AHNAK2: variants seen among roughly 807,000 people sequenced by gnomAD.
The protein encoded by AHNAK2 is protein AHNAK2.
Under a neutral mutation model 30.7 loss-of-function variants are expected in AHNAK2, and 18 were observed. The observed-to-expected ratio is 0.59, with a 90% confidence interval of 0.41 to 0.87. The LOEUF (loss-of-function observed/expected upper bound fraction) is 0.87. AHNAK2 is among the 40% of genes least tolerant of loss of function. The probability of loss-of-function intolerance (pLI) is 0.00; values close to 1 mark genes in which losing one functional copy is unlikely to be tolerated. For synonymous variants in AHNAK2, 3,590 were observed against 3,073.8 expected, an observed-to-expected ratio of 1.17 and a Z score of -5.56; for missense variants, 8,604 against 7,373.0, an observed-to-expected ratio of 1.17 and a Z score of -6.11.
In AHNAK2 at chr14:104,950,465, C is replaced by T. The variant is rs573292137; in HGVS notation, c.4986G>A (p.Lys1662=). 1.3e-4 allele frequency: 202 copies of T among 1,586,210 alleles called. 24 individuals are homozygous for T. The Middle Eastern group carries it at 1.5e-3, about 12-fold the overall frequency. ...TAKDSKFKMP[K]FKMPSFGVSA... ...ACACCCCAAATGATGGCATCTTGAACTTGGGCATTTTGAACTTGCTGTCTT... is the reference window on the plus strand; with the variant it reads ...ACACCCCAAATGATGGCATCTTGAATTTGGGCATTTTGAACTTGCTGTCTT... The change falls in exon 7 of 7, where the codon AAG becomes AAA. Residue 1662 remains lysine, a synonymous_variant. Transcript: ENST00000333244.
At position 104,969,689 on chromosome 14, in the gene AHNAK2, G is replaced by A. The variant is rs949392449; in HGVS notation, c.55+8494C>T. ...TGATGGGGATGGGAGGGCAGCAGGT[G>A]GGCCCAGTTCATCTCCTTCTGCTCC... On this transcript the variant is annotated intron_variant, in intron 1 of 6. Transcript: ENST00000333244. Among the ~76,000 whole-genome samples, 4 of 152,330 alleles carry A rather than the reference G, an allele frequency of 2.6e-5. No homozygotes were observed. In the East Asian group the frequency reaches 7.7e-4, roughly 29 times the overall value.
chr14:104,957,317 G>C, intron 3 of AHNAK2, 93 bp downstream of exon 3: 1 of 1,209,252 alleles, frequency 8.3e-7, no homozygotes, highest in South Asian at 1.4e-5. Flanking sequence ...GCGGGGCAGG[G>C]CAGCAAGGTT....
intron 1 of AHNAK2, among the ~76,000 whole-genome samples, chr14:104,974,065 G>A (rs940023387): frequency 1.3e-5 from 2 of 152,202 alleles, no homozygotes; most frequent in East Asian, 3.9e-4. Flanking sequence ...GAGCAAGGAA[G>A]GCCTTGACTC....
intron 1 of AHNAK2, among the ~76,000 whole-genome samples, chr14:104,961,401 C>A (rs914653873): frequency 4.0e-5 from 6 of 151,714 alleles, no homozygotes; most frequent in Non-Finnish European, 8.8e-5. Context: ...GTAGTCCCAG[C>A]TACTCGGGAG....
In AHNAK2 at chr14:104,948,332, A is replaced by T. The variant is rs770175320; in HGVS notation, c.7119T>A (p.Ala2373=). The change falls in exon 7 of 7, where the codon GCT becomes GCA. Residue 2373 remains alanine, a synonymous_variant. Coordinates refer to ENST00000333244, the MANE Select transcript of AHNAK2 (RefSeq NM_138420.4). ...CTTGGCCAGCCTGGACCTCCAGGTC[A>T]GCGGAAGGGGGCTGAACGCTGAGGT... ...TTDLSVQPPS[A]DLEVQAGQVD... is the part of the protein sequence containing the mutation. 2 of 1,610,308 alleles carry T rather than the reference A, an allele frequency of 1.2e-6. No individual in the cohort carries two copies. Among genetic ancestry groups the T allele is most frequent in the Non-Finnish European group, 1.7e-6 (2 of 1,179,090 alleles).
chr14:104,957,291 C>T, intron 3 of AHNAK2, 119 bp downstream of exon 3: 1 of 932,744 alleles, frequency 1.1e-6, no homozygotes, highest in Non-Finnish European at 1.6e-6. Context: ...TCTGAGTGGG[C>T]ACTGCCCAGT....
rs775652679 is a variant in AHNAK2, at chr14:104,950,388, A to T, written c.5063T>A (p.Val1688Glu). 4 of 1,585,430 alleles carry T rather than the reference A, an allele frequency of 2.5e-6. 1 individual carries two copies. The highest frequency in any genetic ancestry group is 3.4e-6 in the Non-Finnish European group (4 of 1,162,558). The change falls in exon 7 of 7, where the codon GTG becomes GAG. Residue 1688 changes from valine (V) to glutamate (E), a missense_variant. Transcript: ENST00000333244. ...EASVDVSEPK[V>E]EADVSLPSMQ... ...GGAGGGGAGGCTCACATCAGCTTCC[A>T]CCTTCGGCTCAGACACATCCACCGA...
At position 104,938,246 on chromosome 14, in the gene AHNAK2, A is replaced by G; in HGVS notation, c.17205T>C (p.Asp5735=). ...CTTCAGGGGAGAAACTTTCTCGGGC[A>G]TCAAAAAACGTGATTGTTTCTTCTT... ...KLQEETITFF[D]ARESFSPEEK... The change falls in exon 7 of 7, where the codon GAT becomes GAC. Residue 5735 remains aspartate (D), a synonymous_variant. Coordinates refer to ENST00000333244, the MANE Select transcript of AHNAK2 (RefSeq NM_138420.4). 1.9e-6 allele frequency: 3 copies of G among 1,613,860 alleles called. No homozygotes were observed. The highest frequency in any genetic ancestry group is 2.5e-6 in the Non-Finnish European group (3 of 1,179,866).
chr14:104,947,036 G>A lies in AHNAK2; in HGVS notation c.8415C>T (p.Gly2805=), dbSNP rs201288040. The A allele has an allele frequency of 2.9e-4, 468 of 1,606,394 alleles. 6 individuals are homozygous for A. The African/African-American group carries it at 4.3e-3, about 15-fold the overall frequency. ...LEGDLSLADK[G]MTAKDSKFKM... Reference sequence around the variant, plus strand: ...TGAACTTGCTGTCTTTGGCTGTCATGCCCTTGTCGGCCAGGGACAGGTCCC... The same window carrying A: ...TGAACTTGCTGTCTTTGGCTGTCATACCCTTGTCGGCCAGGGACAGGTCCC... Residue 2805 remains glycine (G), a synonymous_variant, in exon 7 of 7, where the codon GGC becomes GGT. Coordinates refer to ENST00000333244, the MANE Select transcript of AHNAK2 (RefSeq NM_138420.4).
Position 104,943,628 on chromosome 14 carries a change from T to G in AHNAK2, c.11823A>C (p.Pro3941=). 2 of 1,611,220 alleles carry G rather than the reference T, an allele frequency of 1.2e-6. No individual in the cohort carries two copies. The highest frequency in any genetic ancestry group is 1.7e-6 in the Non-Finnish European group (2 of 1,178,948). The change falls in exon 7 of 7, where the codon CCA becomes CCC. Residue 3941 remains proline (P), a synonymous_variant. Transcript: ENST00000333244. ...LPSVEVDVEA[P]GAKLDGARLE... ...GCCGCGCACCATCCAGCTTGGCTCC[T>G]GGGGCCTCGACGTCCACCTCCACGC...
At chr14:104,962,592 A>ATT (rs112564439) in intron 1 of AHNAK2, among the ~76,000 whole-genome samples, 5 of 143,988 alleles carry the variant, frequency 3.5e-5, no homozygotes, top group South Asian at 2.2e-4. Context: ...TGCCTCACTA[A>ATT]TTTTTTTTTT....
Position 104,942,732 on chromosome 14 carries a change from C to A in AHNAK2, c.12719G>T (p.Gly4240Val), listed in dbSNP as rs752104171. 7 of 1,612,944 alleles carry A rather than the reference C, an allele frequency of 4.3e-6. No individual in the cohort carries two copies. Among genetic ancestry groups the A allele is most frequent in the Non-Finnish European group, 1.7e-6 (2 of 1,179,554 alleles). Residue 4240 changes from glycine to valine, a missense_variant, in exon 7 of 7, where the codon GGC becomes GTC. Physicochemically the swap from Gly to Val is moderately radical, Grantham distance 109. Coordinates refer to ENST00000333244, the MANE Select transcript of AHNAK2 (RefSeq NM_138420.4). ...GGGGCCTTTCAGGTCCAGCTTGGGGCCCTTGACATCCACCTGGGGGCCCTT... is the reference window on the plus strand; with the variant it reads ...GGGGCCTTTCAGGTCCAGCTTGGGGACCTTGACATCCACCTGGGGGCCCTT... The part of the protein sequence containing the change: ...ALKGPQVDVK[G>V]PKLDLKGPKA...
Position 104,947,716 on chromosome 14 carries a change from T to C in AHNAK2, c.7735A>G (p.Met2579Val), listed in dbSNP as rs200965573. ...VQMPSFKMPE[M>V]DLKGPQLDVK... is the part of the protein sequence containing the mutation. ...TCTAGCTGGGGGCCCTTGAGGTCCA[T>C]TTCAGGCATCTTGAAACTGGGCATC... Residue 2579 changes from methionine (M) to valine (V), a missense_variant, in exon 7 of 7, where the codon ATG becomes GTG. Coordinates refer to ENST00000333244, the MANE Select transcript of AHNAK2 (RefSeq NM_138420.4). 9.9e-4 allele frequency: 1,575 copies of C among 1,590,008 alleles called. 14 individuals carry two copies. The highest frequency in any genetic ancestry group is 2.3e-3 in the African/African-American group (161 of 71,094).
In AHNAK2 at chr14:104,943,566, G is replaced by A. The variant is rs115776887; in HGVS notation, c.11885C>T (p.Thr3962Met). ...CATTTTGAACTTGCTGTCTTTGGCC[G>A]TCATGTCCTTGTCGGCCAGGGACAG... The part of the protein sequence containing the change: ...GDLSLADKDM[T>M]AKDSKFKMPK... The change falls in exon 7 of 7, where the codon ACG (threonine) becomes ATG (methionine). Residue 3962 changes from threonine to methionine, a missense_variant. Coordinates refer to ENST00000333244, the MANE Select transcript of AHNAK2 (RefSeq NM_138420.4). 3,594 of 1,612,930 alleles carry A rather than the reference G, an allele frequency of 2.2e-3. 57 individuals are homozygous for A. The African/African-American group carries it at 0.036, about 16-fold the overall frequency.
chr14:104,945,308 C>T lies in AHNAK2; in HGVS notation c.10143G>A (p.Val3381=), dbSNP rs766985483. 1 of 1,610,948 alleles carries T rather than the reference C, an allele frequency of 6.2e-7. No individual in the cohort carries two copies. Among genetic ancestry groups the T allele is most frequent in the Non-Finnish European group, 8.5e-7 (1 of 1,178,818 alleles). The change falls in exon 7 of 7, where the codon GTG becomes GTA. Residue 3381 remains valine, a synonymous_variant. Transcript: ENST00000333244. ...GCCCTTTGAGGCCAGCTCCCTCGGG[C>T]ACGTGGCCCTCCGGGAGCTTCACGT... is the stretch of plus-strand genomic sequence containing the variant. ...QVDVKLPEGH[V]PEGAGLKGHL... is the part of the protein sequence containing the mutation.
chr14:104,968,579 T>A (rs1363658506), intron 1 of AHNAK2, among the ~76,000 whole-genome samples: 1 of 152,160 alleles, frequency 6.6e-6, no homozygotes, highest in Non-Finnish European at 1.5e-5. Context: ...TGGATTTTGC[T>A]TAAACAAAAT....
Position 104,953,861 on chromosome 14 carries a change from C to CTCA in AHNAK2, c.1587_1589dup (p.Gly529_Glu530insAsp). 6.2e-7 allele frequency: 1 copy of CTCA among 1,614,026 alleles called. No homozygotes were observed. Among genetic ancestry groups the CTCA allele is most frequent in the Non-Finnish European group, 8.5e-7 (1 of 1,179,900 alleles). ...GCATCCACCCGGCTCCTTCCACCTC[C>CTCA]TCACCCTTCAGGCCAGTACCCGCTT... On this transcript the variant is annotated inframe_insertion, in exon 7 of 7. Transcript: ENST00000333244.
At position 104,940,772 on chromosome 14, in the gene AHNAK2, C is replaced by T; in HGVS notation, c.14679G>A (p.Met4893Ile). Residue 4893 changes from methionine to isoleucine, a missense_variant, in exon 7 of 7, where the codon ATG becomes ATA. Met to Ile is a conservative substitution (Grantham distance 10, BLOSUM62 1). Coordinates refer to ENST00000333244, the MANE Select transcript of AHNAK2 (RefSeq NM_138420.4). This position sits in a 1 kb window ranked among gnomAD's most constrained non-coding sequence, Gnocchi z 4.4. ...CTCTTTCTCCAGGGCTAAGAGGAGA[C>T]ATGACTGGGGCACCCACTGCTGCAT... ...DLHAAVGAPV[M>I]SPLSPGERVQ... 6.2e-7 allele frequency: 1 copy of T among 1,612,962 alleles called. No individual in the cohort carries two copies. The highest frequency in any genetic ancestry group is 8.5e-7 in the Non-Finnish European group (1 of 1,179,886).
chr14:104,942,992 C>A lies in AHNAK2; in HGVS notation c.12459G>T (p.Glu4153Asp). ...FGVSAPGKSMEASVDVSELKA... is the reference protein window; with the variant it reads ...FGVSAPGKSMDASVDVSELKA... ...TCAGCTCAGACACATCCACGGACGCCTCCATGGACTTGCCTGGGGCCGACA... is the reference window on the plus strand; with the variant it reads ...TCAGCTCAGACACATCCACGGACGCATCCATGGACTTGCCTGGGGCCGACA... Residue 4153 changes from glutamate to aspartate, a missense_variant, in exon 7 of 7, where the codon GAG (glutamate) becomes GAT (aspartate). Transcript: ENST00000333244. 6.2e-7 allele frequency: 1 copy of A among 1,613,388 alleles called. No homozygotes were observed. Among genetic ancestry groups the A allele is most frequent in the Non-Finnish European group, 8.5e-7 (1 of 1,179,616 alleles).
Sources: allele counts gnomAD v4.1 joint callset (sites outside exome capture counted in the v4.1 genomes callset), GRCh38; gene constraint gnomAD v4.1.1; non-coding constraint Gnocchi (gnomAD v3.1); transcripts MANE v1.5; gene names NCBI Gene and HGNC (gene_info 2026-07-23, HGNC 2026-07-21).